Variants in SMARCA4 observed in about 807,000 individuals in gnomAD.
SMARCA4 encodes SWI/SNF-related matrix-associated actin-dependent regulator of chromatin subfamily A member 4.
Under a neutral mutation model 193.9 loss-of-function variants are expected in SMARCA4, and 31 were observed. That is an observed-to-expected ratio of 0.16 (90% CI 0.12 to 0.22). The LOEUF (loss-of-function observed/expected upper bound fraction) is 0.22. Among genes scored for constraint, SMARCA4 ranks in the 10% least tolerant of loss-of-function variants. The pLI, the probability that SMARCA4 is intolerant of heterozygous loss-of-function variation, is 1.00. For synonymous variants in SMARCA4, 942 were observed against 933.1 expected (o/e 1.01, Z -0.17); for missense variants, 1,148 against 2,296.0 (o/e 0.50, Z 10.22).
In SMARCA4 at chr19:10,986,705, G is replaced by A. The variant is rs2145790703; in HGVS notation, c.760+112G>A. The stretch of plus-strand genomic sequence containing the variant: ...CGACTGGGTTCCCCGGTTTGGGATT[G>A]CACGGGCCCATACTGCACTTCTGGG... On this transcript the variant is annotated intron_variant, in intron 4 of 34. Coordinates refer to ENST00000344626, the MANE Select transcript of SMARCA4 (RefSeq NM_003072.5). The surrounding 1 kb of genome is among the most constrained non-coding windows in gnomAD (Gnocchi z 6.7). 3 of 1,472,600 alleles carry A rather than the reference G, an allele frequency of 2.0e-6. No individual in the cohort carries two copies. The highest frequency in any genetic ancestry group is 1.2e-5 in the South Asian group (1 of 81,660). 91.2% of individuals were successfully genotyped at this position (1,472,600 alleles called of 1,614,324 possible).
chr19:10,971,452 A>G (rs1271963298), intron 1 of SMARCA4, among the ~76,000 whole-genome samples: 1 of 151,414 alleles, frequency 6.6e-6, no homozygotes, highest in Admixed American at 6.6e-5. Flanking sequence ...CTGCTTGATT[A>G]GATTTATAGC....
At chr19:10,998,503 C>CTTT (rs60264578) in intron 11 of SMARCA4, among the ~76,000 whole-genome samples, 8,220 of 137,884 alleles carry the variant, frequency 0.06, 253 homozygotes, top group South Asian at 0.11. Context: ...CTTTTAGTAT[C>CTTT]TTTTTTTTTT....
intron 1 of SMARCA4, chr19:10,983,677 G>A (rs1480904642): frequency 2.2e-5 from 4 of 184,382 alleles, no homozygotes; most frequent in Non-Finnish European, 4.6e-5. Flanking sequence ...CAAATGATCT[G>A]CCCGCATTGG....
rs549069469 is a variant in SMARCA4 at position 11,019,482 on chromosome 19, C to T, written c.2506-109C>T. ...CCTTTCCCCACTACCCCTGTGAGGACGAGCCCTCCCGCCGTGTCACTGGGC... is the reference window on the plus strand; with the variant it reads ...CCTTTCCCCACTACCCCTGTGAGGATGAGCCCTCCCGCCGTGTCACTGGGC... On this transcript the variant is annotated intron_variant, in intron 17 of 34. Coordinates refer to ENST00000344626, the MANE Select transcript of SMARCA4 (RefSeq NM_003072.5). This position sits in a 1 kb window ranked among gnomAD's most constrained non-coding sequence, Gnocchi z 6.1. 1.1e-5 allele frequency: 8 copies of T among 723,572 alleles called. No individual in the cohort carries two copies. The highest frequency in any genetic ancestry group is 8.7e-5 in the African/African-American group (5 of 57,798). The allele number at this position is 723,572 out of a possible 1,614,324, so 44.8% of individuals were successfully genotyped here. A position where few individuals can be genotyped will look rare whatever the true frequency, so the allele number is the denominator to read the frequency against.
intron 21 of SMARCA4, among the ~76,000 whole-genome samples, chr19:11,024,814 C>T: frequency 6.6e-6 from 1 of 152,158 alleles, no homozygotes; most frequent in East Asian, 1.9e-4. Flanking sequence ...GCCTGGCTCT[C>T]CTCACCAGCA....
chr19:11,023,482 G>A (rs2146450610), intron 19 of SMARCA4, 36 bp from the exon 20 acceptor site: 1 of 1,345,678 alleles, frequency 7.4e-7, no homozygotes, highest in Non-Finnish European at 1.1e-6. Context: ...CTCCTTTGGA[G>A]GTAACGCTTG....
rs2145812510 is a variant in SMARCA4, at chr19:10,987,649, C to T, written c.860-17C>T. 1 of 1,612,996 alleles carries T rather than the reference C, an allele frequency of 6.2e-7. No homozygotes were observed. The highest frequency in any genetic ancestry group is 8.5e-7 in the Non-Finnish European group (1 of 1,179,706). ...CCAGAGCTCAACATGACGCCCTGGCCCCTTGCCTTCTCCCAGGACCCATGG... is the reference window on the plus strand; with the variant it reads ...CCAGAGCTCAACATGACGCCCTGGCTCCTTGCCTTCTCCCAGGACCCATGG... On this transcript the variant is annotated splice_polypyrimidine_tract_variant and intron_variant, in intron 5 of 34. Transcript: ENST00000344626. The surrounding 1 kb of genome is among the most constrained non-coding windows in gnomAD (Gnocchi z 5.3).
chr19:10,964,028 G>C (rs1254025085), intron 1 of SMARCA4, among the ~76,000 whole-genome samples: 3 of 152,190 alleles, frequency 2.0e-5, no homozygotes, highest in Non-Finnish European at 4.4e-5. Context: ...CAGCCCTTTA[G>C]GAGACGTAAA....
chr19:10,969,456 G>A (rs1251209247), intron 1 of SMARCA4, among the ~76,000 whole-genome samples: 1 of 151,398 alleles, frequency 6.6e-6, no homozygotes, highest in African/African-American at 2.4e-5. Flanking sequence ...TTGAGACAGA[G>A]TTTGTCTCTT....
Position 11,012,993 on chromosome 19 carries a change from G to C in SMARCA4, c.2319G>C (p.Leu773=), listed in dbSNP as rs773999088. The change falls in exon 16 of 35, where the codon CTG becomes CTC. Residue 773 remains leucine, a synonymous_variant. Transcript: ENST00000344626. ...EWLVSLYNNN[L]NGILADEMGL... ...TGGTGTCCCTGTACAACAACAACCT[G>C]AACGGCATCCTGGCCGACGAGATGG... 2 of 1,614,106 alleles carry C rather than the reference G, an allele frequency of 1.2e-6. No individual in the cohort carries two copies. Among genetic ancestry groups the C allele is most frequent in the Middle Eastern group, 1.6e-4 (1 of 6,062 alleles).
intron 1 of SMARCA4, among the ~76,000 whole-genome samples, chr19:10,972,262 AT>A (rs969658432): frequency 2.6e-5 from 4 of 151,958 alleles, no homozygotes; most frequent in African/African-American, 9.7e-5. Context: ...CCTGGTCCTA[AT>A]TTTTTTATTA....
intron 29 of SMARCA4, chr19:11,039,370 G>T: frequency 1.5e-6 from 1 of 683,090 alleles, no homozygotes; most frequent in South Asian, 1.9e-5. Context: ...AAAGGGAAAT[G>T]ACCTAAATGC....
At chr19:11,007,791 G>A (rs2088377072) in intron 13 of SMARCA4, 111 bp from the exon 14 acceptor site, 3 of 1,007,180 alleles carry the variant, frequency 3.0e-6, no homozygotes, top group Non-Finnish European at 4.7e-6. Context: ...TAGGTAGAGG[G>A]GGTGAGGGCT....
At chr19:10,982,639 A>G (rs1370079211) in intron 1 of SMARCA4, among the ~76,000 whole-genome samples, 3 of 151,590 alleles carry the variant, frequency 2.0e-5, no homozygotes, top group Non-Finnish European at 2.9e-5. Context: ...AGCTGGGACT[A>G]CAGGTGCCTG....
chr19:11,024,750 C>T (rs1040161580), intron 21 of SMARCA4, among the ~76,000 whole-genome samples: 1 of 152,130 alleles, frequency 6.6e-6, no homozygotes, highest in South Asian at 2.1e-4. Context: ...AGGAAGGGAG[C>T]GGGCTGTCTC....
chr19:11,000,802 CG>C (rs1889733927), intron 11 of SMARCA4, among the ~76,000 whole-genome samples: 1 of 148,816 alleles, frequency 6.7e-6, no homozygotes, highest in African/African-American at 2.5e-5. Flanking sequence ...CACTTAAACC[CG>C]GGAGGCGGAT....
At chr19:10,964,663 G>A (rs909824828) in intron 1 of SMARCA4, among the ~76,000 whole-genome samples, 3 of 151,228 alleles carry the variant, frequency 2.0e-5, no homozygotes, top group African/African-American at 7.3e-5. Context: ...TGTCGCCCAG[G>A]CTGGAGTGCA....
intron 22 of SMARCA4, chr19:11,025,710 G>C: frequency 1.7e-6 from 1 of 582,438 alleles, no homozygotes; most frequent in Non-Finnish European, 3.2e-6. Context: ...CGTGCGATAG[G>C]AATATAGGGC....
intron 8 of SMARCA4, among the ~76,000 whole-genome samples, chr19:10,994,303 A>C (rs1036344793): frequency 1.4e-5 from 2 of 147,592 alleles, no homozygotes; most frequent in South Asian, 4.3e-4. Flanking sequence ...TCAGCCTCCC[A>C]AAGCGATATT....
Sources: gnomAD v4.1 joint callset for allele counts (sites outside exome capture counted in the v4.1 genomes callset) on GRCh38, gnomAD v4.1.1 for gene constraint, Gnocchi (gnomAD v3.1) non-coding constraint, MANE v1.5 for transcripts, NCBI Gene and HGNC (gene_info 2026-07-23, HGNC 2026-07-21) for gene names.